Variants in COG5 observed in about 807,000 individuals in gnomAD.
COG5 encodes conserved oligomeric Golgi complex subunit 5.
In COG5, 86 loss-of-function variants were observed where a neutral mutation model predicts 110.4. The ratio of observed to expected loss-of-function variants is 0.78; its 90% CI spans 0.65 to 0.93. COG5 has a LOEUF of 0.93. Ranked by LOEUF, COG5 falls within the 40% of genes least tolerant of loss-of-function variation. The pLI is 0.00. For missense variants in COG5, 1,077 were observed against 987.0 expected, an observed-to-expected ratio of 1.09 and a Z score of -1.22; for synonymous variants, 360 against 334.6, an observed-to-expected ratio of 1.08 and a Z score of -0.83.
chr7:107,563,815 G>A lies in COG5; in HGVS notation c.82C>T (p.Leu28Phe). ...CCCGTCTCCTTACCGTCCTGCAGAA[G>A]TTCCCGGACTGTAGCTGCAGCCGCT... ...SGAAAATVRE[L>F]LQDGCYSDFL... The change falls in exon 1 of 22, where the codon CTT becomes TTT. Residue 28 changes from leucine (L) to phenylalanine (F), a missense_variant. Coordinates refer to ENST00000297135, the MANE Select transcript of COG5 (RefSeq NM_006348.5). 2.5e-6 allele frequency: 4 copies of A among 1,613,920 alleles called. No homozygotes were observed. The highest frequency in any genetic ancestry group is 2.5e-6 in the Non-Finnish European group (3 of 1,179,908).
intron 10 of COG5, among the ~76,000 whole-genome samples, chr7:107,332,511 G>GGAGGAATCAATA (rs1284336942): frequency 6.6e-6 from 1 of 152,028 alleles, no homozygotes; most frequent in African/African-American, 2.4e-5. Flanking sequence ...ATGAAGAGGA[G>GGAGGAATCAATA]GAGGAATCAA....
At chr7:107,335,887 T>C (rs1810659216) in intron 10 of COG5, among the ~76,000 whole-genome samples, 2 of 152,044 alleles carry the variant, frequency 1.3e-5, no homozygotes, top group South Asian at 4.1e-4. Context: ...CACTACATAA[T>C]GAGAAAGGGG....
chr7:107,508,765 C>T (rs1799247256), intron 6 of COG5, among the ~76,000 whole-genome samples: 1 of 152,212 alleles, frequency 6.6e-6, no homozygotes, highest in Admixed American at 6.5e-5. Context: ...GCAGCCACCG[C>T]TGCTGATACC....
chr7:107,549,307 A>G (rs987600960), intron 3 of COG5: 1 of 152,234 alleles, frequency 6.6e-6, no homozygotes, highest in African/African-American at 2.4e-5. Context: ...GAGTTGCCGA[A>G]TTCTATTGTT....
chr7:107,351,587 T>C (rs1223029157), intron 10 of COG5, among the ~76,000 whole-genome samples: 3 of 151,982 alleles, frequency 2.0e-5, no homozygotes, highest in African/African-American at 7.3e-5. Context: ...ATCTAGAATC[T>C]ACAATAAACT....
At chr7:107,388,268 C>T (rs1342081553) in intron 7 of COG5, among the ~76,000 whole-genome samples, 4 of 152,144 alleles carry the variant, frequency 2.6e-5, no homozygotes, top group Non-Finnish European at 5.9e-5. Context: ...TAGATATGTA[C>T]GTATATCCAT....
At chr7:107,411,096 A>G (rs545804010) in intron 7 of COG5, among the ~76,000 whole-genome samples, 1 of 152,310 alleles carries the variant, frequency 6.6e-6, no homozygotes, top group Non-Finnish European at 1.5e-5. Flanking sequence ...GGATTAGGAG[A>G]TGAAAACAAC....
At chr7:107,506,866 C>T (rs1799054024) in intron 6 of COG5, among the ~76,000 whole-genome samples, 1 of 152,184 alleles carries the variant, frequency 6.6e-6, no homozygotes, top group Non-Finnish European at 1.5e-5. Context: ...TCGAGGTTAT[C>T]ATGAAATTCA....
chr7:107,463,087 C>A (rs999862026), intron 6 of COG5, among the ~76,000 whole-genome samples: 1 of 152,204 alleles, frequency 6.6e-6, no homozygotes, highest in African/African-American at 2.4e-5. Context: ...TTGGGCTGAA[C>A]TGTAAGTGAA....
chr7:107,482,654 G>C lies in COG5; in HGVS notation c.538+44583C>G, dbSNP rs187776461. On this transcript the variant is annotated intron_variant, in intron 6 of 21. Coordinates refer to ENST00000297135, the MANE Select transcript of COG5 (RefSeq NM_006348.5). Reference sequence around the variant, plus strand: ...ATTTTAACTGATTAAATTTTAGTTGGATTATATATACTATAATCCAGTACT... The same window carrying C: ...ATTTTAACTGATTAAATTTTAGTTGCATTATATATACTATAATCCAGTACT... Among the ~76,000 whole-genome samples, 33 of 151,790 alleles carry C rather than the reference G, an allele frequency of 2.2e-4. 1 individual carries two copies. The highest frequency in any genetic ancestry group is 5.9e-5 in the Non-Finnish European group (4 of 67,910).
intron 7 of COG5, among the ~76,000 whole-genome samples, chr7:107,377,093 A>G (rs1213332855): frequency 6.6e-6 from 1 of 152,158 alleles, no homozygotes; most frequent in Non-Finnish European, 1.5e-5. Context: ...GAGCAGGTAC[A>G]TATGTTTGGT....
intron 14 of COG5, among the ~76,000 whole-genome samples, chr7:107,260,239 C>T (rs931776087): frequency 6.6e-6 from 1 of 151,994 alleles, no homozygotes; most frequent in Non-Finnish European, 1.5e-5. Flanking sequence ...CATTACTTAG[C>T]AACACAAAGA....
At chr7:107,354,064 C>T (rs1027275613) in intron 10 of COG5, among the ~76,000 whole-genome samples, 1 of 152,144 alleles carries the variant, frequency 6.6e-6, no homozygotes, top group African/African-American at 2.4e-5. Flanking sequence ...ATTAATAATT[C>T]TCACAAGACT....
At chr7:107,228,891 C>A (rs1443041135) in intron 19 of COG5, among the ~76,000 whole-genome samples, 1 of 152,002 alleles carries the variant, frequency 6.6e-6, no homozygotes, top group Non-Finnish European at 1.5e-5. Context: ...GAAGTTTCTA[C>A]TACCAAAGCT....
intron 19 of COG5, among the ~76,000 whole-genome samples, chr7:107,215,212 C>T (rs1476749327): frequency 6.6e-6 from 1 of 152,024 alleles, no homozygotes; most frequent in African/African-American, 2.4e-5. Context: ...AATCAGACCA[C>T]AAAGGAGGAC....
chr7:107,256,856 T>A (rs1014903756), intron 15 of COG5, 62 bp from the exon 16 acceptor site: 5 of 1,156,542 alleles, frequency 4.3e-6, no homozygotes, highest in African/African-American at 1.5e-5. Context: ...AATACTAATT[T>A]TGATCATAGC....
intron 6 of COG5, among the ~76,000 whole-genome samples, chr7:107,500,398 T>C (rs558389041): frequency 4.9e-4 from 74 of 152,322 alleles, no homozygotes; most frequent in South Asian, 3.7e-3. Context: ...ATCTCTGTAA[T>C]TGCTACAGAA....
chr7:107,391,409 A>G (rs1021181727), intron 7 of COG5, among the ~76,000 whole-genome samples: 4 of 152,124 alleles, frequency 2.6e-5, no homozygotes, highest in Non-Finnish European at 5.9e-5. Context: ...TGGTTTGCAA[A>G]TATTTCAGCC....
At chr7:107,414,972 C>G (rs549966292) in intron 6 of COG5, among the ~76,000 whole-genome samples, 1 of 151,752 alleles carries the variant, frequency 6.6e-6, no homozygotes, top group African/African-American at 2.4e-5. Context: ...GTGATCCACC[C>G]GCCTCGGCCT....
Sources: allele counts gnomAD v4.1 joint callset (sites outside exome capture counted in the v4.1 genomes callset), GRCh38; gene constraint gnomAD v4.1.1; transcripts MANE v1.5; gene names NCBI Gene and HGNC (gene_info 2026-07-23, HGNC 2026-07-21).